ANKRD44: variants seen among roughly 807,000 people sequenced by gnomAD.
The protein encoded by ANKRD44 is ankyrin repeat domain 44.
A neutral mutation model predicts 116.0 loss-of-function variants in ANKRD44; 35 were observed. That is an observed-to-expected ratio of 0.30 (90% CI 0.23 to 0.40). ANKRD44 has a LOEUF of 0.40. Ranked by LOEUF, ANKRD44 falls within the 10% of genes least tolerant of loss-of-function variation. The pLI is 1.00. For synonymous variants in ANKRD44, 435 were observed against 461.8 expected, an observed-to-expected ratio of 0.94 and a Z score of 0.74; for missense variants, 1,014 against 1,242.6, an observed-to-expected ratio of 0.82 and a Z score of 2.77.
chr2:197,138,164 T>G (rs138366073), intron 3 of ANKRD44, among the ~76,000 whole-genome samples: 12 of 152,208 alleles, frequency 7.9e-5, no homozygotes, highest in African/African-American at 2.9e-4. Flanking sequence ...ATTAAGTGAA[T>G]AGGAAAGTGC....
chr2:196,981,631 TC>T (rs1178815734), intron 21 of ANKRD44, among the ~76,000 whole-genome samples: 5 of 151,886 alleles, frequency 3.3e-5, no homozygotes, highest in Non-Finnish European at 4.4e-5. Context: ...TTTTTAAAAA[TC>T]CGCCAAGTGT....
At chr2:197,280,237 G>C (rs1015468305) in intron 1 of ANKRD44, among the ~76,000 whole-genome samples, 1 of 152,142 alleles carries the variant, frequency 6.6e-6, no homozygotes, top group Admixed American at 6.5e-5. Flanking sequence ...ATAGGCAACA[G>C]GAGAATGAAA....
chr2:197,300,247 T>C (rs1038076013), intron 1 of ANKRD44, among the ~76,000 whole-genome samples: 2 of 152,196 alleles, frequency 1.3e-5, no homozygotes, highest in Non-Finnish European at 1.5e-5. Flanking sequence ...AGTTTGCAAA[T>C]TGGATATTTC....
At chr2:197,043,764 GT>G (rs796215483) in intron 16 of ANKRD44, among the ~76,000 whole-genome samples, 25 of 148,338 alleles carry the variant, frequency 1.7e-4, no homozygotes, top group African/African-American at 4.2e-4. Context: ...CTGGACCCTG[GT>G]TTTTTTTTTC....
intron 10 of ANKRD44, among the ~76,000 whole-genome samples, chr2:197,092,573 T>C (rs984490035): frequency 1.3e-5 from 2 of 152,208 alleles, no homozygotes; most frequent in Non-Finnish European, 2.9e-5. Context: ...CTTCCCTCTG[T>C]TTGTTTTCCT....
At chr2:197,213,977 T>C (rs1446242071) in intron 1 of ANKRD44, among the ~76,000 whole-genome samples, 1 of 152,240 alleles carries the variant, frequency 6.6e-6, no homozygotes, top group Non-Finnish European at 1.5e-5. Flanking sequence ...GTTTCTCTAA[T>C]GCTATGTGAA....
At chr2:197,184,173 A>G (rs1005993625) in intron 2 of ANKRD44, among the ~76,000 whole-genome samples, 1 of 152,146 alleles carries the variant, frequency 6.6e-6, no homozygotes, top group Non-Finnish European at 1.5e-5. Flanking sequence ...AAGACCAAAA[A>G]TTGGTGTGGC....
intron 6 of ANKRD44, 51 bp from the exon 7 acceptor site, chr2:197,122,843 G>A: frequency 6.3e-7 from 1 of 1,579,440 alleles, no homozygotes. Flanking sequence ...AGGACAATTT[G>A]CTGATTCATT....
chr2:197,142,928 C>G (rs2079402507), intron 3 of ANKRD44, among the ~76,000 whole-genome samples: 1 of 150,836 alleles, frequency 6.6e-6, no homozygotes. Context: ...TCACTTGAGG[C>G]CAGAAGTTCG....
intron 17 of ANKRD44, among the ~76,000 whole-genome samples, chr2:197,016,346 T>C (rs572265962): frequency 1.3e-5 from 2 of 152,308 alleles, no homozygotes; most frequent in Admixed American, 6.5e-5. Context: ...GTCTTGTAAA[T>C]TGGGGTAGTG....
chr2:196,975,834 AAAG>A, intron 21 of ANKRD44, among the ~76,000 whole-genome samples: 1 of 150,328 alleles, frequency 6.7e-6, no homozygotes, highest in Admixed American at 6.6e-5. Context: ...AGAAAGAAAG[AAAG>A]AAAGAAGGAA....
At chr2:197,156,153 T>C (rs2079806668) in intron 2 of ANKRD44, among the ~76,000 whole-genome samples, 1 of 152,210 alleles carries the variant, frequency 6.6e-6, no homozygotes, top group Admixed American at 6.5e-5. Context: ...AAGATCATCC[T>C]GGCTAACATG....
chr2:196,984,353 G>A (rs2075822638), downstream of ANKRD44, among the ~76,000 whole-genome samples: 1 of 152,104 alleles, frequency 6.6e-6, no homozygotes, highest in Non-Finnish European at 1.5e-5. Flanking sequence ...ACTCCCTAGA[G>A]TGCCTGAGAA....
intron 1 of ANKRD44, among the ~76,000 whole-genome samples, chr2:197,286,721 T>C (rs376802755): frequency 2.6e-5 from 4 of 152,132 alleles, no homozygotes; most frequent in East Asian, 3.8e-4. Flanking sequence ...CTTATGAAAC[T>C]GTACGAATTG....
chr2:197,017,978 T>G lies in ANKRD44; in HGVS notation c.1723-4266A>C, dbSNP rs190915563. Reference sequence around the variant, plus strand: ...CTCACATGGAGATGTCATTAGGGTCTCAGGTATCTGGCAGGAATCTGGCCT... The same window carrying G: ...CTCACATGGAGATGTCATTAGGGTCGCAGGTATCTGGCAGGAATCTGGCCT... On this transcript the variant is annotated intron_variant, in intron 17 of 27. Transcript: ENST00000282272. Among the ~76,000 whole-genome samples, 17 of 152,386 alleles carry G rather than the reference T, an allele frequency of 1.1e-4. No individual in the cohort carries two copies. In the East Asian group the frequency reaches 3.3e-3, roughly 29 times the overall value.
At chr2:197,270,122 G>C (rs908749578) in intron 1 of ANKRD44, among the ~76,000 whole-genome samples, 10 of 152,086 alleles carry the variant, frequency 6.6e-5, no homozygotes, top group African/African-American at 2.4e-4. Flanking sequence ...CCTCAAGGAT[G>C]GGGGGATGCT....
In ANKRD44 at chr2:197,175,651, C is replaced by G. The variant is rs139525420; in HGVS notation, c.111+11372G>C. On this transcript the variant is annotated intron_variant, in intron 2 of 27. Coordinates refer to ENST00000282272, the MANE Select transcript of ANKRD44 (RefSeq NM_001195144.2). ...AGAAAAAAGTTGCAGCAATGTGATTCCTTCAATGCTTTTTGGAGTTAACAT... is the reference window on the plus strand; with the variant it reads ...AGAAAAAAGTTGCAGCAATGTGATTGCTTCAATGCTTTTTGGAGTTAACAT... Among the ~76,000 whole-genome samples, 4 of 152,254 alleles carry G rather than the reference C, an allele frequency of 2.6e-5. No homozygotes were observed. In the South Asian group the frequency reaches 8.3e-4, roughly 32 times the overall value.
chr2:197,276,886 C>T (rs2083102401), intron 1 of ANKRD44, among the ~76,000 whole-genome samples: 1 of 151,952 alleles, frequency 6.6e-6, no homozygotes, highest in Non-Finnish European at 1.5e-5. Flanking sequence ...TAGGCTCCAG[C>T]CTGTCTCATA....
At chr2:197,130,439 G>C (rs970337136) in intron 4 of ANKRD44, among the ~76,000 whole-genome samples, 3 of 152,192 alleles carry the variant, frequency 2.0e-5, no homozygotes, top group Admixed American at 1.3e-4. Flanking sequence ...CTCAGTTCTC[G>C]AAGTGTGGCA....
Sources: allele counts gnomAD v4.1 joint callset (sites outside exome capture counted in the v4.1 genomes callset), GRCh38; gene constraint gnomAD v4.1.1; transcripts MANE v1.5; gene names NCBI Gene and HGNC (gene_info 2026-07-23, HGNC 2026-07-21).